Variants in TBC1D5 observed in about 807,000 individuals in gnomAD.
The protein encoded by TBC1D5 is TBC1 domain family member 5.
TBC1D5 carries 75 observed loss-of-function variants against 100.3 expected under a neutral mutation model. The ratio of observed to expected loss-of-function variants is 0.75; its 90% CI spans 0.62 to 0.91. The LOEUF (loss-of-function observed/expected upper bound fraction) is 0.91, where lower values mean the gene tolerates loss of function less well. TBC1D5 is among the 40% of genes least tolerant of loss of function. The probability of loss-of-function intolerance (pLI) is 0.00; values close to 1 mark genes in which losing one functional copy is unlikely to be tolerated. For synonymous variants in TBC1D5, 323 were observed against 325.6 expected (o/e 0.99, Z 0.09); for missense variants, 910 against 942.4 (o/e 0.97, Z 0.45).
chr3:17,382,049 A>G (rs1265907556), intron 9 of TBC1D5, among the ~76,000 whole-genome samples: 1 of 152,054 alleles, frequency 6.6e-6, no homozygotes, highest in Non-Finnish European at 1.5e-5. Flanking sequence ...TAGAAGTTTT[A>G]ATATCTATAT....
At chr3:17,258,631 T>C (rs1189957964) in intron 15 of TBC1D5, 40 bp from the exon 16 acceptor site, 1 of 1,527,790 alleles carries the variant, frequency 6.5e-7, no homozygotes, top group Non-Finnish European at 9.0e-7. Flanking sequence ...GTTAAATGAT[T>C]TAATCCATTA....
intron 1 of TBC1D5, among the ~76,000 whole-genome samples, chr3:17,680,884 T>C (rs1577427790): frequency 6.6e-6 from 1 of 151,598 alleles, no homozygotes; most frequent in Admixed American, 6.6e-5. Context: ...AGAATTCAAA[T>C]ACATGCCAAA....
chr3:17,524,874 A>G (rs1006039870), intron 2 of TBC1D5, among the ~76,000 whole-genome samples: 3 of 152,054 alleles, frequency 2.0e-5, no homozygotes, highest in Admixed American at 6.6e-5. Context: ...ATAAACAAAT[A>G]AATACATACA....
chr3:17,287,002 T>C (rs1246642008), intron 15 of TBC1D5, among the ~76,000 whole-genome samples: 1 of 152,242 alleles, frequency 6.6e-6, no homozygotes, highest in East Asian at 1.9e-4. Context: ...TCTTCTGTAT[T>C]CCATAATATA....
At chr3:17,439,377 A>G (rs1016209823) in intron 3 of TBC1D5, among the ~76,000 whole-genome samples, 4 of 152,184 alleles carry the variant, frequency 2.6e-5, no homozygotes, top group African/African-American at 9.7e-5. Flanking sequence ...TATAACAAAC[A>G]TCTACTTAAA....
At chr3:17,722,426 C>T (rs1242237213) in intron 1 of TBC1D5, among the ~76,000 whole-genome samples, 1 of 152,122 alleles carries the variant, frequency 6.6e-6, no homozygotes. Flanking sequence ...GGTAATTTTA[C>T]ACAATATTTT....
At chr3:17,647,527 T>C (rs895908277) in intron 1 of TBC1D5, among the ~76,000 whole-genome samples, 1 of 151,816 alleles carries the variant, frequency 6.6e-6, no homozygotes, top group African/African-American at 2.4e-5. Context: ...GGGGGAAAAA[T>C]TTCTGTGGAT....
At chr3:17,294,090 G>A (rs534219138) in intron 14 of TBC1D5, among the ~76,000 whole-genome samples, 26 of 152,250 alleles carry the variant, frequency 1.7e-4, no homozygotes, top group African/African-American at 6.3e-4. Context: ...GAGACATAAT[G>A]GATGCATATT....
intron 4 of TBC1D5, among the ~76,000 whole-genome samples, chr3:17,407,605 T>C (rs575179514): frequency 4.6e-5 from 7 of 152,276 alleles, no homozygotes; most frequent in African/African-American, 1.7e-4. Context: ...TTGCATACTA[T>C]GCTTAGAGTA....
chr3:17,649,810 T>G (rs1371719801), intron 1 of TBC1D5, among the ~76,000 whole-genome samples: 5 of 152,172 alleles, frequency 3.3e-5, no homozygotes, highest in Non-Finnish European at 5.9e-5. Context: ...CCCAAAGGAT[T>G]ATAAATCATT....
At chr3:17,285,795 A>C (rs531297110) in intron 15 of TBC1D5, among the ~76,000 whole-genome samples, 39 of 152,284 alleles carry the variant, frequency 2.6e-4, no homozygotes, top group African/African-American at 8.7e-4. Flanking sequence ...TACAATTTGA[A>C]ATTTGAAATT....
chr3:17,499,451 T>C (rs1458294293), intron 3 of TBC1D5, among the ~76,000 whole-genome samples: 1 of 150,402 alleles, frequency 6.6e-6, no homozygotes, highest in African/African-American at 2.5e-5. Flanking sequence ...CTCACACCTG[T>C]AATCTCAGCA....
At chr3:17,734,754 T>C (rs1014737977) in intron 1 of TBC1D5, among the ~76,000 whole-genome samples, 10 of 152,154 alleles carry the variant, frequency 6.6e-5, no homozygotes, top group African/African-American at 2.4e-4. Context: ...TGGCATAATC[T>C]TTTTGGTAGG....
chr3:17,542,529 T>C (rs1272268131), intron 2 of TBC1D5, among the ~76,000 whole-genome samples: 1 of 152,210 alleles, frequency 6.6e-6, no homozygotes, highest in Non-Finnish European at 1.5e-5. Context: ...TTATCATATA[T>C]AATATTTGCA....
Position 17,161,917 on chromosome 3 carries a change from C to T in TBC1D5, c.2095-661G>A, listed in dbSNP as rs757338623. Among the ~76,000 whole-genome samples the T allele has an allele frequency of 9.9e-5, 15 of 152,222 alleles. 1 individual carries two copies. Among genetic ancestry groups the T allele is most frequent in the South Asian group, 4.2e-4 (2 of 4,812 alleles). On this transcript the variant is annotated intron_variant, in intron 21 of 21. Transcript: ENST00000253692. ...CCGGTAGGTTCTACAAATGTGAAAA[C>T]CAAGAACGGCAATTGCAAAGTATAA... is the stretch of plus-strand genomic sequence containing the variant.
intron 9 of TBC1D5, among the ~76,000 whole-genome samples, chr3:17,382,752 G>A (rs922136697): frequency 6.6e-6 from 1 of 151,788 alleles, no homozygotes; most frequent in African/African-American, 2.4e-5. Flanking sequence ...TGTAGAGATG[G>A]GGTTTCACCA....
At chr3:17,534,752 T>C (rs1045228350) in intron 2 of TBC1D5, among the ~76,000 whole-genome samples, 2 of 152,210 alleles carry the variant, frequency 1.3e-5, no homozygotes, top group Non-Finnish European at 2.9e-5. Flanking sequence ...ATGATCTAAG[T>C]TACTGTTTCC....
chr3:17,330,294 C>A (rs546323194), intron 13 of TBC1D5, among the ~76,000 whole-genome samples: 1 of 152,238 alleles, frequency 6.6e-6, no homozygotes, highest in Admixed American at 6.5e-5. Flanking sequence ...CTGCAGGAGG[C>A]TAACTGTCCT....
intron 18 of TBC1D5, among the ~76,000 whole-genome samples, chr3:17,204,526 G>A (rs2071902494): frequency 6.6e-6 from 1 of 152,120 alleles, no homozygotes; most frequent in Non-Finnish European, 1.5e-5. Context: ...CATTGTCTAT[G>A]CCTCCCGGGC....
Sources: gnomAD v4.1 joint callset for allele counts (sites outside exome capture counted in the v4.1 genomes callset) on GRCh38, gnomAD v4.1.1 for gene constraint, MANE v1.5 for transcripts, NCBI Gene and HGNC (gene_info 2026-07-23, HGNC 2026-07-21) for gene names.